OR2L2: variants seen among roughly 807,000 people sequenced by gnomAD.
The protein encoded by OR2L2 is olfactory receptor 2L2.
For synonymous variants in OR2L2, 156 were observed against 135.4 expected (o/e 1.15, Z -1.06); for missense variants, 378 against 375.2 (o/e 1.01, Z -0.06).
intron 2 of OR2L2, among the ~76,000 whole-genome samples, chr1:248,036,627 T>C (rs1363320164): frequency 6.6e-6 from 1 of 152,110 alleles, no homozygotes; most frequent in Non-Finnish European, 1.5e-5. Flanking sequence ...CCTTTGGCTC[T>C]AAAATAATTT....
chr1:248,037,106 T>C (rs1460397544), intron 2 of OR2L2, among the ~76,000 whole-genome samples: 1 of 152,100 alleles, frequency 6.6e-6, no homozygotes, highest in East Asian at 1.9e-4. Flanking sequence ...GAATGGACAT[T>C]TGATGGTGGT....
intron 1 of OR2L2, among the ~76,000 whole-genome samples, chr1:248,032,867 T>G (rs1232828086): frequency 6.6e-6 from 1 of 152,192 alleles, no homozygotes; most frequent in Non-Finnish European, 1.5e-5. Context: ...CATTCAGAAG[T>G]GAAATAGTTG....
chr1:248,038,629 G>C lies in OR2L2; in HGVS notation c.362G>C (p.Arg121Pro), dbSNP rs144606855. 1.2e-5 allele frequency: 20 copies of C among 1,614,024 alleles called. No individual in the cohort carries two copies. Among genetic ancestry groups the C allele is most frequent in the Admixed American group, 1.7e-5 (1 of 59,996 alleles). Residue 121 changes from arginine to proline, a missense_variant, in exon 3 of 3, where the codon CGT becomes CCT. Transcript: ENST00000641771. ...CTCCTGACATCAATGGCCTATGATCGTTATGTGGCCATTTGCTTTCCTCTC... is the reference window on the plus strand; with the variant it reads ...CTCCTGACATCAATGGCCTATGATCCTTATGTGGCCATTTGCTTTCCTCTC... ...GLLLTSMAYD[R>P]YVAICFPLHY...
chr1:248,034,665 A>G (rs1252784495), intron 1 of OR2L2, among the ~76,000 whole-genome samples: 1 of 152,064 alleles, frequency 6.6e-6, no homozygotes. Context: ...GCATTTTGTC[A>G]TTTTTCAATA....
Position 248,042,254 on chromosome 1 carries a change from A to C in OR2L2, c.*3048A>C, listed in dbSNP as rs1662970729. On this transcript the variant is annotated 3_prime_UTR_variant, in exon 3 of 3. Transcript: ENST00000641771. The stretch of plus-strand genomic sequence containing the variant: ...ATCATTCTCACTAAACTATCACAAG[A>C]ACAAAAAACCAAACACCGCATATTC... The C allele has an allele frequency of 6.6e-6, 1 of 151,446 alleles. No homozygotes were observed. Among genetic ancestry groups the C allele is most frequent in the South Asian group, 2.1e-4 (1 of 4,784 alleles). The allele number at this position is 151,446 out of a possible 1,614,324, so 9.4% of individuals were successfully genotyped here. A position where few individuals can be genotyped will look rare whatever the true frequency, so the allele number is the denominator to read the frequency against.
At chr1:248,032,371 C>T (rs1187002044) in intron 1 of OR2L2, among the ~76,000 whole-genome samples, 1 of 151,928 alleles carries the variant, frequency 6.6e-6, no homozygotes, top group African/African-American at 2.4e-5. Context: ...AGATAAACTG[C>T]ACCATTTAAA....
At chr1:248,033,746 CT>C (rs1411896944) in intron 1 of OR2L2, among the ~76,000 whole-genome samples, 1 of 151,808 alleles carries the variant, frequency 6.6e-6, no homozygotes, top group African/African-American at 2.4e-5. Flanking sequence ...CCTGTCCTCT[CT>C]TTTCTTCTAT....
At chr1:248,033,434 T>C (rs1662672748) in intron 1 of OR2L2, among the ~76,000 whole-genome samples, 1 of 151,904 alleles carries the variant, frequency 6.6e-6, no homozygotes, top group South Asian at 2.1e-4. Flanking sequence ...TTCTTCTTCT[T>C]CTTCTCCTTC....
chr1:248,038,108 G>T, intron 2 of OR2L2, 139 bp from the exon 3 acceptor site: 1 of 545,248 alleles, frequency 1.8e-6, no homozygotes, highest in Non-Finnish European at 3.3e-6. Flanking sequence ...TTTATAATAT[G>T]CATTTATGGA....
At chr1:248,038,140 G>A (rs993450329) in intron 2 of OR2L2, 107 bp from the exon 3 acceptor site, 16 of 659,910 alleles carry the variant, frequency 2.4e-5, no homozygotes, top group Non-Finnish European at 4.3e-5. Context: ...TTTATATAGG[G>A]TTCAGTATCA....
Position 248,042,018 on chromosome 1 carries a change from G to A in OR2L2, c.*2812G>A, listed in dbSNP as rs889591538. 1 of 152,056 alleles carries A rather than the reference G, an allele frequency of 6.6e-6. No homozygotes were observed. The highest frequency in any genetic ancestry group is 1.9e-4 in the East Asian group (1 of 5,180). The allele number at this position is 152,056 out of a possible 1,614,324, so 9.4% of individuals were successfully genotyped here. On this transcript the variant is annotated 3_prime_UTR_variant, in exon 3 of 3. Transcript: ENST00000641771. ...TCCCATTACTGGGTATATAACCAAA[G>A]GACTATAAATCATGCTGCTATAAAG...
At chr1:248,033,366 C>G (rs1485223044) in intron 1 of OR2L2, among the ~76,000 whole-genome samples, 1 of 152,166 alleles carries the variant, frequency 6.6e-6, no homozygotes, top group Middle Eastern at 3.4e-3. Flanking sequence ...ACTTGGTTTG[C>G]TTGCCAAAAA....
At chr1:248,033,371 C>T (rs1359417912) in intron 1 of OR2L2, among the ~76,000 whole-genome samples, 2 of 151,868 alleles carry the variant, frequency 1.3e-5, no homozygotes. Context: ...GTTTGCTTGC[C>T]AAAAAAATAT....
Position 248,041,297 on chromosome 1 carries a change from G to C in OR2L2, c.*2091G>C, listed in dbSNP as rs939174038. 2 of 152,098 alleles carry C rather than the reference G, an allele frequency of 1.3e-5. No individual in the cohort carries two copies. The highest frequency in any genetic ancestry group is 2.9e-5 in the Non-Finnish European group (2 of 68,010). 9.4% of individuals were successfully genotyped at this position (152,098 alleles called of 1,614,324 possible). On this transcript the variant is annotated 3_prime_UTR_variant, in exon 3 of 3. Coordinates refer to ENST00000641771, the MANE Select transcript of OR2L2 (RefSeq NM_001385855.1). ...TTAATAAATGGTGCTGGGAAAACTG[G>C]CTAGCCATATGTAAAAAGCTGAAAC... is the stretch of plus-strand genomic sequence containing the variant.
In OR2L2 at chr1:248,038,307, T is replaced by C. The variant is rs759272748; in HGVS notation, c.40T>C (p.Leu14=). ...YNQTSTDFIL[L]GLFPQSRIGL... ...TCAAACATCAACTGATTTCATCTTA[T>C]TGGGGCTGTTCCCACAATCAAGAAT... Residue 14 remains leucine, a synonymous_variant, in exon 3 of 3, where the codon TTG becomes CTG. Coordinates refer to ENST00000641771, the MANE Select transcript of OR2L2 (RefSeq NM_001385855.1). The C allele has an allele frequency of 1.2e-5, 20 of 1,613,190 alleles. No homozygotes were observed. The highest frequency in any genetic ancestry group is 3.3e-5 in the Admixed American group (2 of 60,012).
intron 1 of OR2L2, among the ~76,000 whole-genome samples, chr1:248,034,959 C>T (rs1004115078): frequency 1.8e-4 from 28 of 151,780 alleles, no homozygotes; most frequent in African/African-American, 5.8e-4. Flanking sequence ...GCGTGGAGTC[C>T]TAAGGTTTTC....
Position 248,042,297 on chromosome 1 carries a change from T to C in OR2L2, c.*3091T>C, listed in dbSNP as rs1294671216. 4 of 139,196 alleles carry C rather than the reference T, an allele frequency of 2.9e-5. No homozygotes were observed. Among genetic ancestry groups the C allele is most frequent in the Non-Finnish European group, 6.0e-5 (4 of 66,296 alleles). The allele number at this position is 139,196 out of a possible 1,614,324, so 8.6% of individuals were successfully genotyped here. ...GCATATTCTCACTCATAGGTGGGAA[T>C]TGAACAATGAGAACACATGGACACA... On this transcript the variant is annotated 3_prime_UTR_variant, in exon 3 of 3. Transcript: ENST00000641771.
chr1:248,034,937 A>G (rs1662715019), intron 1 of OR2L2, among the ~76,000 whole-genome samples: 1 of 152,196 alleles, frequency 6.6e-6, no homozygotes, highest in Non-Finnish European at 1.5e-5. Context: ...ATTATTTATA[A>G]CAGTTTTCTT....
intron 2 of OR2L2, among the ~76,000 whole-genome samples, chr1:248,037,088 G>C (rs1181477381): frequency 6.6e-6 from 1 of 152,096 alleles, no homozygotes; most frequent in African/African-American, 2.4e-5. Context: ...GGATGAGAAG[G>C]CAAAAGAGAA....
Sources: allele counts gnomAD v4.1 joint callset (sites outside exome capture counted in the v4.1 genomes callset), GRCh38; gene constraint gnomAD v4.1.1; transcripts MANE v1.5; gene names NCBI Gene and HGNC (gene_info 2026-07-23, HGNC 2026-07-21).